Variants in CRISP3 observed in about 807,000 individuals in gnomAD.
CRISP3 encodes cysteine-rich secretory protein 3.
In CRISP3, 33 loss-of-function variants were observed where a neutral mutation model predicts 36.1. The observed-to-expected ratio is 0.91, with a 90% confidence interval of 0.69 to 1.22. CRISP3 has a LOEUF of 1.22. CRISP3 is among the 50% of genes most tolerant of loss of function. The probability of loss-of-function intolerance (pLI) is 0.00; values close to 1 mark genes in which losing one functional copy is unlikely to be tolerated. For missense variants in CRISP3, 330 were observed against 301.2 expected, an observed-to-expected ratio of 1.10 and a Z score of -0.71; for synonymous variants, 117 against 104.6, an observed-to-expected ratio of 1.12 and a Z score of -0.72.
At chr6:49,732,360 A>G (rs1768934361) in intron 6 of CRISP3, among the ~76,000 whole-genome samples, 1 of 152,224 alleles carries the variant, frequency 6.6e-6, no homozygotes, top group Non-Finnish European at 1.5e-5. Context: ...GGATATCTAC[A>G]GCCTCAAAAT....
chr6:49,744,242 T>A (rs1384783664), intron 1 of CRISP3, 89 bp downstream of exon 1: 2 of 905,242 alleles, frequency 2.2e-6, no homozygotes, highest in South Asian at 3.7e-5. Flanking sequence ...AATATACGAA[T>A]ATATCACTTT....
chr6:49,731,021 G>T lies in CRISP3; in HGVS notation c.649+142C>A, dbSNP rs142403688. 1.2e-3 allele frequency: 653 copies of T among 544,072 alleles called. 5 individuals are homozygous for T. Among genetic ancestry groups the T allele is most frequent in the African/African-American group, 0.011 (578 of 50,632 alleles). The allele number at this position is 544,072 out of a possible 1,614,324, so 33.7% of individuals were successfully genotyped here. A position where few individuals can be genotyped will look rare whatever the true frequency, so the allele number is the denominator to read the frequency against. ...GGCACCACTGCACTCCAGCCTGGGC[G>T]ACAGAGCCAGACAGACTTTTTTTTC... On this transcript the variant is annotated intron_variant, in intron 7 of 7. Coordinates refer to ENST00000263045, the MANE Select transcript of CRISP3 (RefSeq NM_006061.4).
At position 49,743,991 on chromosome 6, in the gene CRISP3, T is replaced by C. The variant is rs569349037; in HGVS notation, c.37+340A>G. ...GAAAGTATGCACACACATATATTCATAGTTTTTCATTTTTCTATTAAAAAT... is the reference window on the plus strand; with the variant it reads ...GAAAGTATGCACACACATATATTCACAGTTTTTCATTTTTCTATTAAAAAT... On this transcript the variant is annotated intron_variant, in intron 1 of 7. Coordinates refer to ENST00000263045, the MANE Select transcript of CRISP3 (RefSeq NM_006061.4). 5.9e-5 allele frequency among the ~76,000 whole-genome samples: 9 copies of C among 152,258 alleles called. No individual in the cohort carries two copies. The East Asian group carries it at 1.5e-3, about 26-fold the overall frequency.
chr6:49,741,408 TA>T (rs1293251099), intron 1 of CRISP3, among the ~76,000 whole-genome samples: 1 of 152,032 alleles, frequency 6.6e-6, no homozygotes, highest in Non-Finnish European at 1.5e-5. Flanking sequence ...GCCCACTTCA[TA>T]AATGAATTGC....
Position 49,728,727 on chromosome 6 carries a change from T to C in CRISP3, c.*3A>G, listed in dbSNP as rs1768836233. 1.2e-6 allele frequency: 2 copies of C among 1,610,374 alleles called. No homozygotes were observed. Among genetic ancestry groups the C allele is most frequent in the Non-Finnish European group, 1.7e-6 (2 of 1,178,234 alleles). On this transcript the variant is annotated 3_prime_UTR_variant, in exon 8 of 8. Transcript: ENST00000263045. ...ATAGCCCTACTCGGTGTGTAATGCG[T>C]ATTTAATAAATGCTGTTTGAACAAT...
At position 49,731,271 on chromosome 6, in the gene CRISP3, T is replaced by C; in HGVS notation, c.561-20A>G. On this transcript the variant is annotated intron_variant, in intron 6 of 7. Transcript: ENST00000263045. ...TTACCACTGAAATTTGAAATAAAAA[T>C]GTCAAATATTTTTCATTTTTATGTT... 1 of 1,518,978 alleles carries C rather than the reference T, an allele frequency of 6.6e-7. No individual in the cohort carries two copies. Among genetic ancestry groups the C allele is most frequent in the Non-Finnish European group, 9.0e-7 (1 of 1,106,004 alleles). 94.1% of individuals were successfully genotyped at this position (1,518,978 alleles called of 1,614,324 possible).
In CRISP3 at chr6:49,744,142, C is replaced by T. The variant is rs148377553; in HGVS notation, c.37+189G>A. Among the ~76,000 whole-genome samples the T allele has an allele frequency of 2.8e-3, 431 of 152,072 alleles. 3 individuals are homozygous for T. The highest frequency in any genetic ancestry group is 9.9e-3 in the African/African-American group (412 of 41,516). On this transcript the variant is annotated intron_variant, in intron 1 of 7. Coordinates refer to ENST00000263045, the MANE Select transcript of CRISP3 (RefSeq NM_006061.4). ...AGTGCTTTTGGAATAATAAAGCTGT[C>T]TATGTATTAGCTTCTCAGCTTAAAA...
chr6:49,731,394 G>A (rs1768914357), intron 6 of CRISP3, 143 bp from the exon 7 acceptor site: 1 of 477,632 alleles, frequency 2.1e-6, no homozygotes, highest in East Asian at 3.4e-5. Context: ...TAATCTCAGA[G>A]TATATTCAGA....
intron 5 of CRISP3, 57 bp from the exon 6 acceptor site, chr6:49,733,349 A>C (rs1165262434): frequency 1.8e-5 from 21 of 1,156,132 alleles, no homozygotes; most frequent in Non-Finnish European, 2.5e-5. Flanking sequence ...AAATACCAAA[A>C]AACAAATAGT....
intron 2 of CRISP3, among the ~76,000 whole-genome samples, 158 bp from the exon 3 acceptor site, chr6:49,736,665 G>A (rs1179534913): frequency 6.6e-6 from 1 of 152,128 alleles, no homozygotes; most frequent in Non-Finnish European, 1.5e-5. Flanking sequence ...CTTTTTAATG[G>A]AAAAGTATTA....
At chr6:49,735,894 A>G (rs937832188) in intron 3 of CRISP3, among the ~76,000 whole-genome samples, 1 of 152,162 alleles carries the variant, frequency 6.6e-6, no homozygotes, top group Non-Finnish European at 1.5e-5. Context: ...AATATTGATA[A>G]ACATGTGGAG....
Position 49,728,120 on chromosome 6 carries a change from A to C in CRISP3, c.*610T>G, listed in dbSNP as rs1345567411. 6.6e-6 allele frequency: 1 copy of C among 152,148 alleles called. No homozygotes were observed. The highest frequency in any genetic ancestry group is 1.5e-5 in the Non-Finnish European group (1 of 67,994). 9.4% of individuals were successfully genotyped at this position (152,148 alleles called of 1,614,324 possible). A position where few individuals can be genotyped will look rare whatever the true frequency, so the allele number is the denominator to read the frequency against. ...GAAGGTTTGATCATATTCTACTGTA[A>C]AATTTATGCAGATAAAAAATTCAAA... On this transcript the variant is annotated 3_prime_UTR_variant, in exon 8 of 8. Transcript: ENST00000263045.
intron 1 of CRISP3, among the ~76,000 whole-genome samples, 178 bp downstream of exon 1, chr6:49,744,153 C>A (rs897492721): frequency 2.0e-5 from 3 of 152,042 alleles, no homozygotes; most frequent in Non-Finnish European, 4.4e-5. Context: ...TATGTATTAG[C>A]TTCTCAGCTT....
chr6:49,733,247 A>T lies in CRISP3; in HGVS notation c.508T>A (p.Cys170Ser). The change falls in exon 6 of 8, where the codon TGT (cysteine) becomes AGT (serine). Residue 170 changes from cysteine to serine, a missense_variant. Coordinates refer to ENST00000263045, the MANE Select transcript of CRISP3 (RefSeq NM_006061.4). ...SYLVGCGNAY[C>S]PNQKVLKYYY... ...TATTTTAGAACTTTTTGATTGGGACAGTAGGCATTTCCACATCCAACGAGG... is the reference window on the plus strand; with the variant it reads ...TATTTTAGAACTTTTTGATTGGGACTGTAGGCATTTCCACATCCAACGAGG... 2 of 1,612,006 alleles carry T rather than the reference A, an allele frequency of 1.2e-6. No homozygotes were observed.
At chr6:49,741,705 T>C (rs1769207468) in intron 1 of CRISP3, among the ~76,000 whole-genome samples, 1 of 148,188 alleles carries the variant, frequency 6.7e-6, no homozygotes, top group African/African-American at 2.5e-5. Context: ...AATATAATGG[T>C]TATTGGAGAA....
chr6:49,741,124 C>CA (rs35800263), intron 1 of CRISP3, among the ~76,000 whole-genome samples: 54,401 of 113,436 alleles, frequency 0.48, 11,268 homozygotes, highest in Middle Eastern at 0.64. Flanking sequence ...AACAAACAAA[C>CA]AAAAAAAACA....
intron 1 of CRISP3, among the ~76,000 whole-genome samples, chr6:49,739,012 A>G (rs535787765): frequency 6.6e-6 from 1 of 151,866 alleles, no homozygotes; most frequent in Non-Finnish European, 1.5e-5. Context: ...AAAAAAAAAA[A>G]GAATCCACGA....
intron 7 of CRISP3, among the ~76,000 whole-genome samples, chr6:49,730,491 A>G (rs948857547): frequency 3.9e-5 from 6 of 152,148 alleles, no homozygotes; most frequent in African/African-American, 1.4e-4. Context: ...ATTGAGCCAT[A>G]TTCTATGGTC....
chr6:49,735,672 T>C, intron 3 of CRISP3, 81 bp from the exon 4 acceptor site: 3 of 959,762 alleles, frequency 3.1e-6, no homozygotes, highest in South Asian at 1.5e-5. Context: ...AGGTTATAGG[T>C]TGATTTACAT....
Sources: gnomAD v4.1 joint callset for allele counts (sites outside exome capture counted in the v4.1 genomes callset) on GRCh38, gnomAD v4.1.1 for gene constraint, MANE v1.5 for transcripts, NCBI Gene and HGNC (gene_info 2026-07-23, HGNC 2026-07-21) for gene names.